KCNQ3: variants seen among roughly 807,000 people sequenced by gnomAD.
KCNQ3 encodes potassium voltage-gated channel subfamily KQT member 3.
Under a neutral mutation model 92.5 loss-of-function variants are expected in KCNQ3, and 30 were observed. The observed-to-expected ratio is 0.32, with a 90% CI of 0.24 to 0.44. KCNQ3 has a LOEUF of 0.44. Among genes scored for constraint, KCNQ3 ranks in the 20% least tolerant of loss-of-function variants. The pLI is 1.00. For synonymous variants in KCNQ3, 450 were observed against 468.8 expected, an observed-to-expected ratio of 0.96 and a Z score of 0.52; for missense variants, 913 against 1,140.3, an observed-to-expected ratio of 0.80 and a Z score of 2.87.
chr8:132,395,426 C>G lies in KCNQ3; in HGVS notation c.386+84721G>C, dbSNP rs772088719. ...AATAGAAGTATCAGGAGTTCTAACA[C>G]GACAGCAAAGAGATGCCTTAGAGTC... On this transcript the variant is annotated intron_variant, in intron 1 of 14. Transcript: ENST00000388996. 2.0e-5 allele frequency among the ~76,000 whole-genome samples: 3 copies of G among 152,140 alleles called. No individual in the cohort carries two copies. In the South Asian group the frequency reaches 6.2e-4, roughly 32 times the overall value.
intron 1 of KCNQ3, among the ~76,000 whole-genome samples, chr8:132,325,122 T>G (rs539039710): frequency 1.3e-5 from 2 of 152,102 alleles, no homozygotes; most frequent in South Asian, 4.2e-4. Context: ...GCCCACATGG[T>G]GATAGGCTGG....
At chr8:132,403,642 T>G (rs1820405706) in intron 1 of KCNQ3, among the ~76,000 whole-genome samples, 1 of 152,154 alleles carries the variant, frequency 6.6e-6, no homozygotes, top group Non-Finnish European at 1.5e-5. Flanking sequence ...GAAAGTATCA[T>G]AGTTCCATTT....
intron 1 of KCNQ3, among the ~76,000 whole-genome samples, chr8:132,211,016 C>G (rs913243445): frequency 6.6e-6 from 1 of 152,236 alleles, no homozygotes; most frequent in East Asian, 1.9e-4. Context: ...TTGGGTCTCC[C>G]TCTGGGCCCC....
At chr8:132,300,434 G>A (rs1303377596) in intron 1 of KCNQ3, among the ~76,000 whole-genome samples, 1 of 152,216 alleles carries the variant, frequency 6.6e-6, no homozygotes, top group Non-Finnish European at 1.5e-5. Flanking sequence ...GCTGCTGAAG[G>A]AAGGTACATT....
chr8:132,366,030 A>C (rs1819313978), intron 1 of KCNQ3, among the ~76,000 whole-genome samples: 1 of 152,174 alleles, frequency 6.6e-6, no homozygotes, highest in South Asian at 2.1e-4. Flanking sequence ...GACCCTATAA[A>C]GTACCACTAT....
Position 132,175,567 on chromosome 8 carries a change from G to A in KCNQ3, c.819C>T (p.Ile273=), listed in dbSNP as rs775490614. 1.2e-6 allele frequency: 2 copies of A among 1,614,156 alleles called. No individual in the cohort carries two copies. The highest frequency in any genetic ancestry group is 3.3e-5 in the Admixed American group (2 of 60,028). The part of the protein sequence containing the change: ...TAWYIGFLTL[I]LSSFLVYLVE... ...CCAGGTAGACAAGAAATGAAGAAAG[G>A]ATGAGTGTCAGGAAACCGATGTACC... Residue 273 remains isoleucine, a synonymous_variant, in exon 5 of 15, where the codon ATC becomes ATT. Coordinates refer to ENST00000388996, the MANE Select transcript of KCNQ3 (RefSeq NM_004519.4).
Position 132,129,928 on chromosome 8 carries a change from C to G in KCNQ3, c.1953G>C (p.Gln651His), listed in dbSNP as rs1378401344. ...TTGGGTAATACTCCGTGACCTGCAC[C>G]TGCAACCGTTCCATGTGTTGCATGT... ...DMHMQHMERL[Q>H]VQVTEYYPTK... Residue 651 changes from glutamine (Q) to histidine (H), a missense_variant, in exon 15 of 15, where the codon CAG (glutamine) becomes CAC (histidine). Around this residue, in one of 6 missense-constraint regions of KCNQ3, gnomAD observed 375 missense variants for 376.4 expected, o/e 1.00. Coordinates refer to ENST00000388996, the MANE Select transcript of KCNQ3 (RefSeq NM_004519.4). This position sits in a 1 kb window ranked among gnomAD's most constrained non-coding sequence, Gnocchi z 5.9. The G allele has an allele frequency of 6.2e-7, 1 of 1,614,144 alleles. No homozygotes were observed. The highest frequency in any genetic ancestry group is 8.5e-7 in the Non-Finnish European group (1 of 1,180,002).
At chr8:132,439,088 A>T (rs911200328) in intron 1 of KCNQ3, among the ~76,000 whole-genome samples, 3 of 151,122 alleles carry the variant, frequency 2.0e-5, no homozygotes, top group Non-Finnish European at 4.4e-5. Flanking sequence ...CAATACCCCC[A>T]TACTTCCTAC....
chr8:132,324,101 A>G (rs1398818409), intron 1 of KCNQ3, among the ~76,000 whole-genome samples: 1 of 152,106 alleles, frequency 6.6e-6, no homozygotes, highest in Non-Finnish European at 1.5e-5. Flanking sequence ...CTCAGTCTGT[A>G]ATTCCCTCTG....
chr8:132,342,999 T>C (rs754394217), intron 1 of KCNQ3, among the ~76,000 whole-genome samples: 14 of 152,154 alleles, frequency 9.2e-5, no homozygotes, highest in Admixed American at 4.6e-4. Flanking sequence ...AGGGCTAACG[T>C]ATTGGGCATT....
chr8:132,182,176 A>G (rs2130166778), intron 3 of KCNQ3, among the ~76,000 whole-genome samples: 1 of 152,314 alleles, frequency 6.6e-6, no homozygotes, highest in East Asian at 1.9e-4. Flanking sequence ...GGATACTGAT[A>G]CATCTGCATC....
chr8:132,430,132 T>C (rs1476330785), intron 1 of KCNQ3, among the ~76,000 whole-genome samples: 2 of 152,204 alleles, frequency 1.3e-5, no homozygotes, highest in Non-Finnish European at 2.9e-5. Context: ...CTTGGTTCTT[T>C]CATGAGCTGT....
chr8:132,171,530 C>A (rs761783365), intron 7 of KCNQ3, among the ~76,000 whole-genome samples: 2 of 152,230 alleles, frequency 1.3e-5, no homozygotes, highest in African/African-American at 4.8e-5. Flanking sequence ...CTGCAACCCC[C>A]AGCCCATGTG....
intron 11 of KCNQ3, 106 bp downstream of exon 11, chr8:132,139,970 C>G (rs1825230245): frequency 1.3e-6 from 1 of 774,026 alleles, no homozygotes; most frequent in Non-Finnish European, 2.1e-6. Context: ...AGGGGCTTCT[C>G]TTCCCCCTTC....
At chr8:132,241,579 AT>A (rs1814999532) in intron 1 of KCNQ3, among the ~76,000 whole-genome samples, 1 of 152,082 alleles carries the variant, frequency 6.6e-6, no homozygotes. Context: ...CACACCTGTT[AT>A]CCCAGAACTT....
intron 1 of KCNQ3, among the ~76,000 whole-genome samples, chr8:132,266,681 C>G (rs920647933): frequency 6.6e-6 from 1 of 152,150 alleles, no homozygotes; most frequent in African/African-American, 2.4e-5. Context: ...ACCGGAGCTG[C>G]ATCACGATCT....
rs191956198 is a variant in KCNQ3, at chr8:132,450,603, G to A, written c.386+29544C>T. Among the ~76,000 whole-genome samples the A allele has an allele frequency of 1.4e-3, 213 of 152,308 alleles. 2 individuals are homozygous for A. Among genetic ancestry groups the A allele is most frequent in the Admixed American group, 2.0e-3 (31 of 15,312 alleles). ...CCAGCCACAGGTTCCATAGCAGGAT[G>A]TGAGGAATGGTTTCTGAAGATGAAG... On this transcript the variant is annotated intron_variant, in intron 1 of 14. Transcript: ENST00000388996.
intron 1 of KCNQ3, among the ~76,000 whole-genome samples, chr8:132,378,524 C>A (rs1819667960): frequency 6.6e-6 from 1 of 152,196 alleles, no homozygotes. Flanking sequence ...GACACTTTTC[C>A]ATACATTGCC....
chr8:132,186,230 G>T, intron 1 of KCNQ3, 49 bp from the exon 2 acceptor site: 2 of 1,369,322 alleles, frequency 1.5e-6, no homozygotes, highest in Middle Eastern at 1.8e-4. Context: ...GTCATGGCTT[G>T]CTTTGAGGCT....
Sources: gnomAD v4.1 joint callset for allele counts (sites outside exome capture counted in the v4.1 genomes callset) on GRCh38, gnomAD v4.1.1 for gene constraint, gnomAD v4.1.1 regional missense constraint, Gnocchi (gnomAD v3.1) non-coding constraint, MANE v1.5 for transcripts, NCBI Gene and HGNC (gene_info 2026-07-23, HGNC 2026-07-21) for gene names.